ZNF644: variants seen among roughly 807,000 people sequenced by gnomAD.
The protein encoded by ZNF644 is zinc finger protein 644, also known as zinc finger motif enhancer binding protein 2.
ZNF644 carries 20 observed loss-of-function variants against 108.0 expected under a neutral mutation model. The observed-to-expected ratio is 0.19, with a 90% CI of 0.13 to 0.27. The LOEUF is 0.27. ZNF644 is among the 10% of genes least tolerant of loss of function. The probability of loss-of-function intolerance (pLI) is 1.00; values close to 1 mark genes in which losing one functional copy is unlikely to be tolerated. For missense variants in ZNF644, 1,338 were observed against 1,548.9 expected (o/e 0.86, Z 2.29); for synonymous variants, 542 against 539.1 (o/e 1.01, Z -0.08).
chr1:90,921,005 G>A (rs1240443613), intron 4 of ZNF644, among the ~76,000 whole-genome samples: 1 of 151,738 alleles, frequency 6.6e-6, no homozygotes, highest in South Asian at 2.1e-4. Context: ...CATACCTTTG[G>A]GAAAATCTGT....
chr1:90,938,522 A>C lies in ZNF644; in HGVS notation c.2832T>G (p.Ala944=). ...HDPQHLETAD[A]SLSKHSSVFH... is the part of the protein sequence containing the mutation. ...AAACAGAACTATGCTTTGACAATGA[A>C]GCATCTGCAGTTTCTAAATGCTGAG... The change falls in exon 3 of 6, where the codon GCT becomes GCG. Residue 944 remains alanine, a synonymous_variant. Transcript: ENST00000337393. This position sits in a 1 kb window ranked among gnomAD's most constrained non-coding sequence, Gnocchi z 4.2. 2 of 1,614,000 alleles carry C rather than the reference A, an allele frequency of 1.2e-6. No individual in the cohort carries two copies. The highest frequency in any genetic ancestry group is 1.7e-6 in the Non-Finnish European group (2 of 1,179,912).
chr1:90,964,880 C>G (rs1654693717), intron 2 of ZNF644, among the ~76,000 whole-genome samples: 1 of 151,942 alleles, frequency 6.6e-6, no homozygotes, highest in Non-Finnish European at 1.5e-5. Flanking sequence ...AGGCAAGGAA[C>G]TATTATATAA....
chr1:90,951,889 T>C (rs1653210361), intron 2 of ZNF644, among the ~76,000 whole-genome samples: 1 of 152,146 alleles, frequency 6.6e-6, no homozygotes, highest in South Asian at 2.1e-4. Context: ...GTAAAAACCT[T>C]TGGGGAACCA....
chr1:90,940,887 T>A lies in ZNF644; in HGVS notation c.467A>T (p.Lys156Met), dbSNP rs150549483. The A allele has an allele frequency of 1.3e-4, 216 of 1,614,094 alleles. No homozygotes were observed. Among genetic ancestry groups the A allele is most frequent in the Non-Finnish European group, 1.7e-4 (205 of 1,179,988 alleles). Residue 156 changes from lysine (K) to methionine (M), a missense_variant, in exon 3 of 6, where the codon AAG (lysine) becomes ATG (methionine). Lys to Met is a moderately conservative substitution (Grantham distance 95). Coordinates refer to ENST00000337393, the MANE Select transcript of ZNF644 (RefSeq NM_201269.3). ...AGACAGCTGAAGATCAGCTGCTACC[T>A]TCAAAGTTGAACAAGATTCTGTTGT... ...QPTTESCSTL[K>M]VAADLQLSTP...
chr1:91,005,933 A>G (rs1199866339), intron 1 of ZNF644, among the ~76,000 whole-genome samples: 34 of 151,912 alleles, frequency 2.2e-4, no homozygotes, highest in Non-Finnish European at 2.9e-5. Flanking sequence ...GAACAGAAAA[A>G]CAGTAGAGAA....
At chr1:90,998,276 C>G (rs1454721874) in intron 1 of ZNF644, among the ~76,000 whole-genome samples, 4 of 152,198 alleles carry the variant, frequency 2.6e-5, no homozygotes, top group Non-Finnish European at 1.5e-5. Context: ...CCCTGAGTAG[C>G]CTAACTGGGA....
intron 2 of ZNF644, among the ~76,000 whole-genome samples, chr1:90,955,985 T>G: frequency 6.6e-6 from 1 of 152,150 alleles, no homozygotes; most frequent in East Asian, 1.9e-4. Context: ...ATCCTTTCAC[T>G]CAAACACTAA....
At chr1:90,933,389 C>T (rs527753848) in intron 4 of ZNF644, among the ~76,000 whole-genome samples, 1 of 152,096 alleles carries the variant, frequency 6.6e-6, no homozygotes, top group South Asian at 2.1e-4. Flanking sequence ...AGGCTGGGTG[C>T]GGTGGCTCTC....
In ZNF644 at chr1:90,939,656, T is replaced by G. The variant is rs762979709; in HGVS notation, c.1698A>C (p.Thr566=). The change falls in exon 3 of 6, where the codon ACA becomes ACC. Residue 566 remains threonine, a synonymous_variant. Transcript: ENST00000337393. ...AGTCTTTCATGAAAGTCTTTTTTTG[T>G]GTTTTTCTCTGGGCAATATCAGAAG... is the stretch of plus-strand genomic sequence containing the variant. The part of the protein sequence containing the change: ...MVTSDIAQRK[T]QKKTFMKDSV... 78 of 1,613,946 alleles carry G rather than the reference T, an allele frequency of 4.8e-5. No individual in the cohort carries two copies. The highest frequency in any genetic ancestry group is 5.7e-5 in the Non-Finnish European group (67 of 1,179,948).
chr1:90,975,436 C>CTTTTTT (rs1243944087), intron 2 of ZNF644, among the ~76,000 whole-genome samples: 1 of 135,362 alleles, frequency 7.4e-6, no homozygotes, highest in African/African-American at 2.7e-5. Context: ...CAAATATCTA[C>CTTTTTT]TTTTTTTTTT....
chr1:91,021,994 T>A lies in ZNF644; in HGVS notation c.-22A>T, dbSNP rs901623383. ...CAAATAACCCCTGAAACTCACAGTTTGGTGCCGTGTGCGTCAAACCGGGGC... is the reference window on the plus strand; with the variant it reads ...CAAATAACCCCTGAAACTCACAGTTAGGTGCCGTGTGCGTCAAACCGGGGC... On this transcript the variant is annotated 5_prime_UTR_variant, in exon 1 of 6. Coordinates refer to ENST00000337393, the MANE Select transcript of ZNF644 (RefSeq NM_201269.3). The A allele has an allele frequency of 2.5e-6, 1 of 398,826 alleles. No homozygotes were observed. The highest frequency in any genetic ancestry group is 2.1e-5 in the African/African-American group (1 of 48,634). The allele number at this position is 398,826 out of a possible 1,614,324, so 24.7% of individuals were successfully genotyped here.
At chr1:90,918,690 T>C (rs1235966113) in intron 4 of ZNF644, among the ~76,000 whole-genome samples, 2 of 152,168 alleles carry the variant, frequency 1.3e-5, no homozygotes, top group South Asian at 2.1e-4. Flanking sequence ...TCAATTTTCA[T>C]AGTGATTCAC....
chr1:90,939,283 T>C lies in ZNF644; in HGVS notation c.2071A>G (p.Ile691Val). 1 of 1,614,096 alleles carries C rather than the reference T, an allele frequency of 6.2e-7. No homozygotes were observed. Among genetic ancestry groups the C allele is most frequent in the Non-Finnish European group, 8.5e-7 (1 of 1,179,956 alleles). The change falls in exon 3 of 6, where the codon ATT (isoleucine) becomes GTT (valine). Residue 691 changes from isoleucine to valine, a missense_variant. By Grantham distance (29) the Ile-to-Val change is conservative (BLOSUM62 3). Transcript: ENST00000337393. ...CACATGTTTACACCTGATTGGGCAA[T>C]GCTTTTCCGAGCTTTCTGTATTCTG... ...PHRIQKARKS[I>V]AQSGVNMCNQ...
chr1:91,002,211 G>A (rs755820450), intron 1 of ZNF644, among the ~76,000 whole-genome samples: 14 of 152,218 alleles, frequency 9.2e-5, no homozygotes, highest in African/African-American at 3.1e-4. Context: ...AAAAGAGCCC[G>A]CATCGCCAAG....
At chr1:91,005,711 G>A (rs1659352739) in intron 1 of ZNF644, among the ~76,000 whole-genome samples, 1 of 151,982 alleles carries the variant, frequency 6.6e-6, no homozygotes, top group South Asian at 2.1e-4. Context: ...AAATCAGAAA[G>A]TATATTGAGA....
intron 4 of ZNF644, among the ~76,000 whole-genome samples, chr1:90,920,468 G>A (rs1429547727): frequency 6.7e-6 from 1 of 148,162 alleles, no homozygotes; most frequent in Admixed American, 6.6e-5. Context: ...AAATTTACAT[G>A]TTGTTAATAT....
rs141271121 is a variant in ZNF644, at chr1:90,928,088, C to T, written c.3688+9397G>A. ...CTCAAACTCCTGACCTCAGGTGATCCGCCTGCCTCGGCCTCCCAAAGTGCT... is the reference window on the plus strand; with the variant it reads ...CTCAAACTCCTGACCTCAGGTGATCTGCCTGCCTCGGCCTCCCAAAGTGCT... On this transcript the variant is annotated intron_variant, in intron 4 of 5. Coordinates refer to ENST00000337393, the MANE Select transcript of ZNF644 (RefSeq NM_201269.3). Among the ~76,000 whole-genome samples, 1,079 of 151,338 alleles carry T rather than the reference C, an allele frequency of 7.1e-3. 17 individuals are homozygous for T. The highest frequency in any genetic ancestry group is 0.024 in the African/African-American group (1,008 of 41,236).
intron 1 of ZNF644, among the ~76,000 whole-genome samples, chr1:91,010,352 C>G (rs1333950507): frequency 6.6e-6 from 1 of 151,438 alleles, no homozygotes; most frequent in African/African-American, 2.4e-5. Context: ...GATTCTCCTG[C>G]CTCAGCTTCC....
intron 1 of ZNF644, among the ~76,000 whole-genome samples, chr1:91,001,230 A>C (rs1467931528): frequency 6.9e-6 from 1 of 145,708 alleles, no homozygotes; most frequent in Non-Finnish European, 1.6e-5. Flanking sequence ...GAGACACAAC[A>C]AAAAAAGAGA....
Sources: allele counts gnomAD v4.1 joint callset (sites outside exome capture counted in the v4.1 genomes callset), GRCh38; gene constraint gnomAD v4.1.1; non-coding constraint Gnocchi (gnomAD v3.1); transcripts MANE v1.5; gene names NCBI Gene and HGNC (gene_info 2026-07-23, HGNC 2026-07-21).